SNX29: variants seen among roughly 807,000 people sequenced by gnomAD.
The protein encoded by SNX29 is sorting nexin-29.
SNX29 carries 78 observed loss-of-function variants against 102.1 expected under a neutral mutation model. That is an observed-to-expected ratio of 0.76 (90% CI 0.64 to 0.92). SNX29 has a LOEUF of 0.92. Among genes scored for constraint, SNX29 ranks in the 40% least tolerant of loss-of-function variants. SNX29 has a pLI of 0.00. For synonymous variants in SNX29, 580 were observed against 414.5 expected (o/e 1.40, Z -4.85); for missense variants, 1,280 against 1,061.7 (o/e 1.21, Z -2.86).
At position 12,046,254 on chromosome 16, in the gene SNX29, C is replaced by T. The variant is rs527714178; in HGVS notation, c.429-130C>T. ...AGAAGCTGTAAACCAGCAGAGACCT[C>T]AGACAAATCATATCCCTCTTGGGGT... On this transcript the variant is annotated intron_variant, in intron 5 of 20. Coordinates refer to ENST00000566228, the MANE Select transcript of SNX29 (RefSeq NM_032167.5). 96 of 854,726 alleles carry T rather than the reference C, an allele frequency of 1.1e-4. No individual in the cohort carries two copies. In the African/African-American group the frequency reaches 1.4e-3, roughly 13 times the overall value. 52.9% of individuals were successfully genotyped at this position (854,726 alleles called of 1,614,324 possible).
At chr16:12,148,179 C>A (rs578101458) in intron 13 of SNX29, among the ~76,000 whole-genome samples, 2 of 152,288 alleles carry the variant, frequency 1.3e-5, no homozygotes, top group Non-Finnish European at 2.9e-5. Flanking sequence ...CTCTGAGACC[C>A]GAGAGAGCTC....
At position 11,999,346 on chromosome 16, in the gene SNX29, T is replaced by G; in HGVS notation, c.57T>G (p.Asp19Glu). The G allele has an allele frequency of 6.2e-7, 1 of 1,614,136 alleles. No individual in the cohort carries two copies. The highest frequency in any genetic ancestry group is 8.5e-7 in the Non-Finnish European group (1 of 1,179,982). Residue 19 changes from aspartate to glutamate, a missense_variant, in exon 2 of 21, where the codon GAT becomes GAG. Asp to Glu is a conservative substitution (Grantham distance 45). Coordinates refer to ENST00000566228, the MANE Select transcript of SNX29 (RefSeq NM_032167.5). ...KRQFLLERLL[D>E]AVKQCQIRFG... ...AATTTCTGCTGGAGCGACTGCTGGA[T>G]GCAGTGAAACAGGTAAGCAGAAAGC... is the stretch of plus-strand genomic sequence containing the variant.
At chr16:12,266,686 G>GAAAA (rs59509183) in intron 14 of SNX29, among the ~76,000 whole-genome samples, 70,738 of 130,136 alleles carry the variant, frequency 0.54, 19,864 homozygotes, top group African/African-American at 0.6. Flanking sequence ...ATCTATTATT[G>GAAAA]AAAAAAAAAA....
chr16:12,419,706 C>T (rs1041982069), intron 18 of SNX29, among the ~76,000 whole-genome samples: 2 of 152,164 alleles, frequency 1.3e-5, no homozygotes, highest in Non-Finnish European at 2.9e-5. Context: ...GGAAAGGCCC[C>T]TGTTTCTTCT....
At chr16:12,412,001 G>A (rs923410589) in intron 18 of SNX29, among the ~76,000 whole-genome samples, 2 of 152,136 alleles carry the variant, frequency 1.3e-5, no homozygotes, top group Non-Finnish European at 2.9e-5. Context: ...CTTCACCAAG[G>A]GCTTTACATG....
intron 13 of SNX29, among the ~76,000 whole-genome samples, chr16:12,134,776 T>C (rs942824127): frequency 2.6e-5 from 4 of 152,228 alleles, no homozygotes; most frequent in African/African-American, 9.6e-5. Flanking sequence ...ACTCATCAGG[T>C]ATCTGCTTCC....
intron 16 of SNX29, among the ~76,000 whole-genome samples, chr16:12,356,587 A>T (rs1478965532): frequency 6.6e-6 from 1 of 152,234 alleles, no homozygotes; most frequent in Non-Finnish European, 1.5e-5. Flanking sequence ...TTCCATGAGC[A>T]GTAAACAGTC....
At chr16:12,082,351 C>T (rs1328756632) in intron 11 of SNX29, among the ~76,000 whole-genome samples, 1 of 152,102 alleles carries the variant, frequency 6.6e-6, no homozygotes, top group Non-Finnish European at 1.5e-5. Context: ...GGGCTGAGGT[C>T]CCAGCATCTC....
chr16:12,038,926 T>C (rs1227461910), intron 4 of SNX29: 6 of 152,218 alleles, frequency 3.9e-5, no homozygotes, highest in Admixed American at 3.9e-4. Flanking sequence ...AGGCGGAGAA[T>C]GGAAGGAAGG....
chr16:12,168,508 C>T (rs1169448768), intron 13 of SNX29, among the ~76,000 whole-genome samples: 1 of 152,190 alleles, frequency 6.6e-6, no homozygotes, highest in Non-Finnish European at 1.5e-5. Context: ...TAGGTCCCCA[C>T]CTCGTTACAT....
chr16:12,301,018 T>C (rs763505062), intron 15 of SNX29, among the ~76,000 whole-genome samples: 1 of 152,202 alleles, frequency 6.6e-6, no homozygotes, highest in Non-Finnish European at 1.5e-5. Context: ...CCTCCTGACT[T>C]GTGCGTCTGC....
rs1201919172 is a variant in SNX29, at chr16:12,569,524, G to C, written c.*895G>C. ...TTTTCAAACCAGGCTCCATGACTAT[G>C]AAGTTGGACCCAGTGTGGACACTTA... On this transcript the variant is annotated 3_prime_UTR_variant, in exon 21 of 21. Transcript: ENST00000566228. 1 of 231,658 alleles carries C rather than the reference G, an allele frequency of 4.3e-6. No homozygotes were observed. Among genetic ancestry groups the C allele is most frequent in the Non-Finnish European group, 8.5e-6 (1 of 117,072 alleles). The allele number at this position is 231,658 out of a possible 1,614,324, so 14.4% of individuals were successfully genotyped here.
At chr16:12,259,669 C>CA (rs2078676247) in intron 14 of SNX29, among the ~76,000 whole-genome samples, 1 of 152,200 alleles carries the variant, frequency 6.6e-6, no homozygotes, top group Non-Finnish European at 1.5e-5. Flanking sequence ...TGCTAGTCTT[C>CA]AAACTGTAAG....
At chr16:12,537,711 A>G (rs901186934) in intron 20 of SNX29, among the ~76,000 whole-genome samples, 1 of 152,128 alleles carries the variant, frequency 6.6e-6, no homozygotes, top group Non-Finnish European at 1.5e-5. Context: ...CTTTGGAAAA[A>G]GGGAAGCAGA....
At chr16:12,060,103 C>A (rs868440046) in intron 8 of SNX29, among the ~76,000 whole-genome samples, 1 of 151,840 alleles carries the variant, frequency 6.6e-6, no homozygotes, top group Non-Finnish European at 1.5e-5. Flanking sequence ...CCGTGAGTTC[C>A]GCATCTATGG....
intron 11 of SNX29, among the ~76,000 whole-genome samples, chr16:12,091,348 G>T (rs1484588828): frequency 6.6e-6 from 1 of 152,092 alleles, no homozygotes; most frequent in Non-Finnish European, 1.5e-5. Flanking sequence ...TGTCCCCTTT[G>T]CTATAGACTG....
intron 13 of SNX29, among the ~76,000 whole-genome samples, chr16:12,198,633 C>G (rs1202675265): frequency 6.6e-6 from 1 of 152,158 alleles, no homozygotes; most frequent in Non-Finnish European, 1.5e-5. Flanking sequence ...GGTCAGAAAC[C>G]AAGTCTGAAT....
rs66491414 is a variant in SNX29 at position 12,013,500 on chromosome 16, AATATATATAT to A, written c.122+10490_122+10499del. ...GTCTCTACTGGGGGAAAAAAAAAAA[AATATATATAT>A]ATATATATATATATATATATATATA... is the stretch of plus-strand genomic sequence containing the variant. On this transcript the variant is annotated intron_variant, in intron 3 of 20. Transcript: ENST00000566228. Among the ~76,000 whole-genome samples the A allele has an allele frequency of 6.5e-3, 205 of 31,624 alleles. 20 individuals are homozygous for A. Among genetic ancestry groups the A allele is most frequent in the East Asian group, 0.028 (15 of 534 alleles). 20.7% of individuals were successfully genotyped at this position (31,624 alleles called of 152,430 possible).
chr16:12,567,695 G>C (rs1018584009), intron 20 of SNX29, among the ~76,000 whole-genome samples: 9 of 152,136 alleles, frequency 5.9e-5, no homozygotes, highest in African/African-American at 2.2e-4. Flanking sequence ...CCAGGAGATC[G>C]AGGCTGCAGC....
Sources: allele counts gnomAD v4.1 joint callset (sites outside exome capture counted in the v4.1 genomes callset), GRCh38; gene constraint gnomAD v4.1.1; transcripts MANE v1.5; gene names NCBI Gene and HGNC (gene_info 2026-07-23, HGNC 2026-07-21).